SPARCL1: variants seen among roughly 807,000 people sequenced by gnomAD.
The protein encoded by SPARCL1 is SPARC-like protein 1.
SPARCL1 carries 52 observed loss-of-function variants against 67.1 expected under a neutral mutation model. That is an observed-to-expected ratio of 0.78 (90% CI 0.62 to 0.98). SPARCL1 has a LOEUF of 0.98. SPARCL1 is among the 50% of genes least tolerant of loss of function. The probability of loss-of-function intolerance (pLI) is 0.00; values close to 1 mark genes in which losing one functional copy is unlikely to be tolerated. For missense variants in SPARCL1, 717 were observed against 782.4 expected, an observed-to-expected ratio of 0.92 and a Z score of 1.00; for synonymous variants, 226 against 267.8, an observed-to-expected ratio of 0.84 and a Z score of 1.52.
At chr4:87,477,631 A>T (rs1201104938) in intron 10 of SPARCL1, among the ~76,000 whole-genome samples, 1 of 152,332 alleles carries the variant, frequency 6.6e-6, no homozygotes, top group Admixed American at 6.5e-5. Context: ...CCAGAGGCCT[A>T]CACGATGGGA....
At chr4:87,505,907 T>C (rs1217963071) in intron 1 of SPARCL1, among the ~76,000 whole-genome samples, 1 of 152,140 alleles carries the variant, frequency 6.6e-6, no homozygotes, top group Non-Finnish European at 1.5e-5. Flanking sequence ...TTTTGAAAAC[T>C]ATAGAAATAC....
chr4:87,478,582 C>T (rs1185835024), intron 10 of SPARCL1, among the ~76,000 whole-genome samples: 5 of 151,832 alleles, frequency 3.3e-5, no homozygotes, highest in Non-Finnish European at 5.9e-5. Flanking sequence ...GGATTACAGG[C>T]GTGTGCCACC....
At chr4:87,489,090 G>A (rs1724196542) in intron 7 of SPARCL1, among the ~76,000 whole-genome samples, 1 of 152,158 alleles carries the variant, frequency 6.6e-6, no homozygotes, top group Non-Finnish European at 1.5e-5. Context: ...CATTTCCAGG[G>A]AAGTGAACAG....
rs550087098 is a variant in SPARCL1, at chr4:87,510,705, A to T, written c.-11-11120T>A. ...CTGTGTGACCTCATTCCTCTTGGGC[A>T]CTGGACAAGAACTCGGACACACTAC... On this transcript the variant is annotated intron_variant, in intron 1 of 10. Coordinates refer to ENST00000282470, the MANE Select transcript of SPARCL1 (RefSeq NM_004684.6). Among the ~76,000 whole-genome samples the T allele has an allele frequency of 2.0e-5, 3 of 152,282 alleles. No individual in the cohort carries two copies. The South Asian group carries it at 6.2e-4, about 32-fold the overall frequency.
chr4:87,512,598 C>A (rs189167711), intron 1 of SPARCL1, among the ~76,000 whole-genome samples: 1 of 152,180 alleles, frequency 6.6e-6, no homozygotes, highest in African/African-American at 2.4e-5. Flanking sequence ...GGATAACAGA[C>A]CCTCCTGGAT....
At chr4:87,527,407 C>T (rs541335939) in intron 1 of SPARCL1, among the ~76,000 whole-genome samples, 5 of 152,102 alleles carry the variant, frequency 3.3e-5, no homozygotes, top group African/African-American at 9.6e-5. Context: ...ATGCCCTTCT[C>T]GGTAGAAAAA....
At chr4:87,506,647 G>T (rs1016793727) in intron 1 of SPARCL1, among the ~76,000 whole-genome samples, 1 of 152,120 alleles carries the variant, frequency 6.6e-6, no homozygotes, top group African/African-American at 2.4e-5. Flanking sequence ...AACATCATTG[G>T]TTCTCAGGTC....
intron 1 of SPARCL1, among the ~76,000 whole-genome samples, chr4:87,502,578 G>C (rs778126307): frequency 3.9e-5 from 6 of 152,026 alleles, no homozygotes; most frequent in Non-Finnish European, 5.9e-5. Flanking sequence ...TTCTTTATTA[G>C]TGTGACATAT....
At chr4:87,481,898 G>A (rs746733988) in intron 8 of SPARCL1, among the ~76,000 whole-genome samples, 5 of 151,992 alleles carry the variant, frequency 3.3e-5, no homozygotes, top group South Asian at 2.1e-4. Flanking sequence ...TTTTCTTTTC[G>A]TTGCTGTATC....
chr4:87,524,259 T>C (rs1472473705), intron 1 of SPARCL1, among the ~76,000 whole-genome samples: 1 of 152,204 alleles, frequency 6.6e-6, no homozygotes, highest in Non-Finnish European at 1.5e-5. Context: ...AGAAATCAAA[T>C]GGTTCACATT....
chr4:87,528,791 T>C (rs1019267584), intron 1 of SPARCL1, among the ~76,000 whole-genome samples: 1 of 152,170 alleles, frequency 6.6e-6, no homozygotes, highest in Non-Finnish European at 1.5e-5. Flanking sequence ...AGTTCCACAT[T>C]TCTATTCTTG....
intron 1 of SPARCL1, among the ~76,000 whole-genome samples, chr4:87,515,727 T>TC (rs1255160591): frequency 2.0e-5 from 3 of 152,214 alleles, no homozygotes; most frequent in African/African-American, 4.8e-5. Context: ...CTAGAGTTTT[T>TC]CTATTGGCTG....
intron 1 of SPARCL1, among the ~76,000 whole-genome samples, chr4:87,499,816 A>G (rs75284832): frequency 6.6e-6 from 1 of 152,298 alleles, no homozygotes; most frequent in East Asian, 1.9e-4. Flanking sequence ...GGCAGAACCT[A>G]TCTCTGTTTA....
At chr4:87,518,991 T>C (rs1212483355) in intron 1 of SPARCL1, among the ~76,000 whole-genome samples, 1 of 152,124 alleles carries the variant, frequency 6.6e-6, no homozygotes. Flanking sequence ...CATGAAACCA[T>C]TTACATGTTT....
In SPARCL1 at chr4:87,507,722, A is replaced by G. The variant is rs1386164348; in HGVS notation, c.-11-8137T>C. Among the ~76,000 whole-genome samples, 4 of 152,216 alleles carry G rather than the reference A, an allele frequency of 2.6e-5. No homozygotes were observed. The East Asian group carries it at 7.7e-4, about 29-fold the overall frequency. On this transcript the variant is annotated intron_variant, in intron 1 of 10. Transcript: ENST00000282470. ...ACACTGTGTACCTGGAGATAGCGTC[A>G]GATCCCATAGGTTGAGGGCTCAGTC...
At chr4:87,527,790 A>T (rs2110274191) in intron 1 of SPARCL1, among the ~76,000 whole-genome samples, 1 of 152,320 alleles carries the variant, frequency 6.6e-6, no homozygotes, top group Non-Finnish European at 1.5e-5. Flanking sequence ...TAGATGAAAT[A>T]AACTGCTCTG....
chr4:87,527,566 T>G (rs932400191), intron 1 of SPARCL1, among the ~76,000 whole-genome samples: 2 of 152,208 alleles, frequency 1.3e-5, no homozygotes, highest in African/African-American at 4.8e-5. Context: ...ATTTCTGTCA[T>G]CACTATTATT....
intron 1 of SPARCL1, among the ~76,000 whole-genome samples, chr4:87,513,127 A>G (rs1725441713): frequency 6.6e-6 from 1 of 152,248 alleles, no homozygotes; most frequent in African/African-American, 2.4e-5. Flanking sequence ...GCAGGGTTCC[A>G]AGGAATATTA....
At chr4:87,522,685 A>ACACACG (rs1553899665) in intron 1 of SPARCL1, among the ~76,000 whole-genome samples, 21 of 141,666 alleles carry the variant, frequency 1.5e-4, no homozygotes, top group African/African-American at 5.5e-4. Context: ...ACACACACGC[A>ACACACG]CACACACAGA....
Sources: allele counts gnomAD v4.1 joint callset (sites outside exome capture counted in the v4.1 genomes callset), GRCh38; gene constraint gnomAD v4.1.1; transcripts MANE v1.5; gene names NCBI Gene and HGNC (gene_info 2026-07-23, HGNC 2026-07-21).